The following SLC45A4 variants were observed in gnomAD, a reference collection of about 807,000 sequenced individuals.
SLC45A4 encodes the protein polyamine-transporter SLC45A4.
Under a neutral mutation model 63.7 loss-of-function variants are expected in SLC45A4, and 32 were observed. The observed-to-expected ratio is 0.50, with a 90% confidence interval of 0.38 to 0.67. The LOEUF (loss-of-function observed/expected upper bound fraction) is 0.67. Ranked by LOEUF, SLC45A4 falls within the 30% of genes least tolerant of loss-of-function variation. SLC45A4 has a pLI of 0.00. For missense variants in SLC45A4, 1,027 were observed against 1,157.7 expected (o/e 0.89, Z 1.64); for synonymous variants, 535 against 510.0 (o/e 1.05, Z -0.66).
intron 8 of SLC45A4, 55 bp downstream of exon 8, chr8:141,212,142 G>GCCCCCCCCCCCCCCC: frequency 2.0e-6 from 1 of 491,698 alleles, no homozygotes; most frequent in Non-Finnish European, 2.4e-6. Flanking sequence ...CCCGCCGCCC[G>GCCCCCCCCCCCCCCC]CCCGCCCGCC....
In SLC45A4 at chr8:141,254,414, T is replaced by A; in HGVS notation, c.-185A>T. 6 of 707,858 alleles carry A rather than the reference T, an allele frequency of 8.5e-6. No homozygotes were observed. The highest frequency in any genetic ancestry group is 9.4e-6 in the Non-Finnish European group (4 of 424,332). The allele number at this position is 707,858 out of a possible 1,614,324, so 43.8% of individuals were successfully genotyped here. On this transcript the variant is annotated 5_prime_UTR_variant, in exon 2 of 9. The change abolishes an upstream ATG in the 5' untranslated region. Transcript: ENST00000517878. This position sits in a 1 kb window ranked among gnomAD's most constrained non-coding sequence, Gnocchi z 4.5. The stretch of plus-strand genomic sequence containing the variant: ...CAACTTCTCACAACGGTATGAGACA[T>A]GCAGCAACACAGAACGATTTTTGGT...
intron 2 of SLC45A4, among the ~76,000 whole-genome samples, chr8:141,250,229 A>G (rs1485861378): frequency 2.0e-5 from 3 of 152,212 alleles, no homozygotes; most frequent in Non-Finnish European, 4.4e-5. Flanking sequence ...TCAACTTCAC[A>G]CTAACGTGAA....
intron 8 of SLC45A4, 87 bp from the exon 9 acceptor site, chr8:141,211,784 TGTCAGATTTTG>T (rs1408867346): frequency 7.3e-7 from 1 of 1,378,320 alleles, no homozygotes; most frequent in African/African-American, 1.5e-5. Flanking sequence ...TAGCAGAGAA[TGTCAGATTTTG>T]TTTTCAATTA....
chr8:141,254,567 A>G lies in SLC45A4; in HGVS notation c.-338T>C, dbSNP rs1420289726. Reference sequence around the variant, plus strand: ...GCTGAAGTGATTTTTCTTGCTACAGAGAGGTGGGAAGGTGATACAAACAGG... The same window carrying G: ...GCTGAAGTGATTTTTCTTGCTACAGGGAGGTGGGAAGGTGATACAAACAGG... On this transcript the variant is annotated 5_prime_UTR_variant, in exon 2 of 9. Coordinates refer to ENST00000517878, the MANE Select transcript of SLC45A4 (RefSeq NM_001286646.2). This position sits in a 1 kb window ranked among gnomAD's most constrained non-coding sequence, Gnocchi z 4.5. 6 of 702,408 alleles carry G rather than the reference A, an allele frequency of 8.5e-6. No individual in the cohort carries two copies. Among genetic ancestry groups the G allele is most frequent in the South Asian group, 1.5e-5 (1 of 67,598 alleles). The allele number at this position is 702,408 out of a possible 1,614,324, so 43.5% of individuals were successfully genotyped here. A position where few individuals can be genotyped will look rare whatever the true frequency, so the allele number is the denominator to read the frequency against.
chr8:141,301,645 G>A (rs529345549), intron 1 of SLC45A4, among the ~76,000 whole-genome samples: 1 of 150,154 alleles, frequency 6.7e-6, no homozygotes, highest in Non-Finnish European at 1.5e-5. Flanking sequence ...GGAGGTGGGA[G>A]GATCACTTGA....
rs772297375 is a variant in SLC45A4, at chr8:141,215,792, G to A, written c.1908C>T (p.Tyr636=). The change falls in exon 7 of 9, where the codon TAC becomes TAT. Residue 636 remains tyrosine, a synonymous_variant. Transcript: ENST00000517878. This position sits in a 1 kb window ranked among gnomAD's most constrained non-coding sequence, Gnocchi z 4.3. The part of the protein sequence containing the change: ...IVSMSISYCP[Y]ALLGQYHDIK... ...TGTCATGGTACTGGCCCAGCAGGGC[G>A]TACGGGCAGTAGGAGATGCTCATGG... 9.3e-6 allele frequency: 15 copies of A among 1,613,842 alleles called. No homozygotes were observed. Among genetic ancestry groups the A allele is most frequent in the Admixed American group, 3.3e-5 (2 of 60,008 alleles).
In SLC45A4 at chr8:141,207,521, G is replaced by A. The variant is rs1421585738; in HGVS notation, c.*4051C>T. 6.6e-6 allele frequency: 1 copy of A among 152,240 alleles called. No individual in the cohort carries two copies. Among genetic ancestry groups the A allele is most frequent in the African/African-American group, 2.4e-5 (1 of 41,456 alleles). 9.4% of individuals were successfully genotyped at this position (152,240 alleles called of 1,614,324 possible). A position where few individuals can be genotyped will look rare whatever the true frequency, so the allele number is the denominator to read the frequency against. ...CTAACTCAGCAAGCGCGATTACAGT[G>A]CTCCAACTTAATAAGTTGATAAAAA... On this transcript the variant is annotated 3_prime_UTR_variant, in exon 9 of 9. Transcript: ENST00000517878.
chr8:141,265,874 A>AT (rs1554598822), intron 1 of SLC45A4, among the ~76,000 whole-genome samples: 1 of 152,198 alleles, frequency 6.6e-6, no homozygotes, highest in Non-Finnish European at 1.5e-5. Flanking sequence ...GGTGACAACA[A>AT]TTTTGTTATG....
intron 1 of SLC45A4, among the ~76,000 whole-genome samples, chr8:141,304,736 C>A (rs1026750132): frequency 2.6e-5 from 4 of 152,122 alleles, no homozygotes; most frequent in African/African-American, 9.7e-5. Context: ...TACCAAGTGT[C>A]CCGTCTTCCT....
chr8:141,279,892 A>C (rs944602452), intron 1 of SLC45A4, among the ~76,000 whole-genome samples: 1 of 152,276 alleles, frequency 6.6e-6, no homozygotes, highest in Non-Finnish European at 1.5e-5. Context: ...CCAAACACTC[A>C]GCAATCTAGC....
intron 2 of SLC45A4, among the ~76,000 whole-genome samples, chr8:141,228,889 C>T (rs1051093352): frequency 6.6e-6 from 1 of 152,158 alleles, no homozygotes; most frequent in African/African-American, 2.4e-5. Flanking sequence ...CTGGGGTCCC[C>T]TAACTCAGAG....
At chr8:141,265,259 A>G (rs1230714121) in intron 1 of SLC45A4, among the ~76,000 whole-genome samples, 1 of 152,218 alleles carries the variant, frequency 6.6e-6, no homozygotes, top group East Asian at 1.9e-4. Flanking sequence ...CATGTGGTGC[A>G]TATTTCCTGA....
chr8:141,228,286 G>T (rs985076579), intron 2 of SLC45A4: 2 of 1,612,052 alleles, frequency 1.2e-6, no homozygotes, highest in South Asian at 1.1e-5. Context: ...TGTCCCTGCC[G>T]CCCTGTGCCA....
intron 1 of SLC45A4, among the ~76,000 whole-genome samples, chr8:141,285,151 C>T (rs570993109): frequency 3.9e-5 from 6 of 152,318 alleles, no homozygotes; most frequent in East Asian, 1.9e-4. Context: ...GGACTGAGGG[C>T]GGGTGAAACG....
At chr8:141,279,933 A>G (rs1327881136) in intron 1 of SLC45A4, among the ~76,000 whole-genome samples, 2 of 152,266 alleles carry the variant, frequency 1.3e-5, no homozygotes, top group Non-Finnish European at 1.5e-5. Flanking sequence ...GATAAATATT[A>G]GCTTGGGACT....
chr8:141,269,936 T>C (rs955731213), intron 1 of SLC45A4, among the ~76,000 whole-genome samples: 35 of 152,172 alleles, frequency 2.3e-4, no homozygotes, highest in Middle Eastern at 3.4e-3. Flanking sequence ...GGCAGCCCAG[T>C]GTGCATGCCC....
chr8:141,288,695 T>G (rs1176474809), intron 1 of SLC45A4, among the ~76,000 whole-genome samples: 2 of 152,234 alleles, frequency 1.3e-5, no homozygotes, highest in African/African-American at 2.4e-5. Flanking sequence ...TCACACTGCC[T>G]GAGGTCTGTG....
chr8:141,252,446 C>G (rs1404949456), intron 2 of SLC45A4: 1 of 147,904 alleles, frequency 6.8e-6, no homozygotes, highest in African/African-American at 2.5e-5. Flanking sequence ...TGTGAATTTC[C>G]ATGTTTTCAC....
chr8:141,263,425 A>T (rs562364298), intron 1 of SLC45A4, among the ~76,000 whole-genome samples: 4 of 151,984 alleles, frequency 2.6e-5, no homozygotes, highest in Non-Finnish European at 4.4e-5. Flanking sequence ...AAACTGTGAA[A>T]AAATAAATAA....
Sources: allele counts gnomAD v4.1 joint callset (sites outside exome capture counted in the v4.1 genomes callset), GRCh38; gene constraint gnomAD v4.1.1; non-coding constraint Gnocchi (gnomAD v3.1); transcripts MANE v1.5; gene names NCBI Gene and HGNC (gene_info 2026-07-23, HGNC 2026-07-21).